Variants in CSMD3 observed in about 807,000 individuals in gnomAD.
CSMD3 encodes CUB and sushi domain-containing protein 3.
In CSMD3, 177 loss-of-function variants were observed where a neutral mutation model predicts 435.2. That is an observed-to-expected ratio of 0.41 (90% CI 0.36 to 0.46). CSMD3 has a LOEUF of 0.46. CSMD3 is among the 20% of genes least tolerant of loss of function. CSMD3 has a pLI of 0.34. For missense variants in CSMD3, 4,265 were observed against 4,504.6 expected (o/e 0.95, Z 1.52); for synonymous variants, 1,656 against 1,520.5 (o/e 1.09, Z -2.07).
At chr8:112,966,383 A>G (rs2084415816) in intron 7 of CSMD3, among the ~76,000 whole-genome samples, 1 of 151,606 alleles carries the variant, frequency 6.6e-6, no homozygotes, top group Non-Finnish European at 1.5e-5. Context: ...ATAAGAAAAC[A>G]ATGCTTAAAG....
rs538132669 is a variant in CSMD3 at position 112,447,855 on chromosome 8, A to T, written c.5395+24736T>A. 7.2e-5 allele frequency among the ~76,000 whole-genome samples: 11 copies of T among 152,294 alleles called. No individual in the cohort carries two copies. The East Asian group carries it at 1.4e-3, about 19-fold the overall frequency. On this transcript the variant is annotated intron_variant, in intron 32 of 70. Coordinates refer to ENST00000297405, the MANE Select transcript of CSMD3 (RefSeq NM_198123.2). ...ACAGAAACACATTGTCATAACACAAATTTCTTAGAAAGATTTAAACAATAA... is the reference window on the plus strand; with the variant it reads ...ACAGAAACACATTGTCATAACACAATTTTCTTAGAAAGATTTAAACAATAA...
chr8:112,664,732 C>T (rs1204997796), intron 17 of CSMD3, among the ~76,000 whole-genome samples: 3 of 151,994 alleles, frequency 2.0e-5, no homozygotes, highest in South Asian at 2.1e-4. Context: ...TAACTGGTGT[C>T]CAGGACATAA....
At chr8:112,475,444 A>C (rs896360995) in intron 31 of CSMD3, among the ~76,000 whole-genome samples, 3 of 152,098 alleles carry the variant, frequency 2.0e-5, no homozygotes, top group Non-Finnish European at 4.4e-5. Flanking sequence ...TTGTAAACAT[A>C]ATTTTATGTT....
chr8:112,587,912 C>T (rs1830867363), intron 22 of CSMD3, among the ~76,000 whole-genome samples: 1 of 151,762 alleles, frequency 6.6e-6, no homozygotes, highest in Non-Finnish European at 1.5e-5. Context: ...ACCTTCAGGA[C>T]TAATTTTGCA....
chr8:112,259,869 C>A (rs1268174731), intron 61 of CSMD3, among the ~76,000 whole-genome samples: 2 of 152,088 alleles, frequency 1.3e-5, no homozygotes, highest in Admixed American at 1.3e-4. Context: ...TCAGCTGAAG[C>A]AATTGTTTCT....
intron 58 of CSMD3, among the ~76,000 whole-genome samples, chr8:112,283,617 T>A (rs1479666843): frequency 4.6e-5 from 7 of 151,620 alleles, no homozygotes. Flanking sequence ...AAAATTACAA[T>A]TAAGGTATCT....
chr8:112,264,099 T>C (rs930190601), intron 60 of CSMD3, among the ~76,000 whole-genome samples: 11 of 152,102 alleles, frequency 7.2e-5, no homozygotes, highest in Non-Finnish European at 1.2e-4. Flanking sequence ...AGGGTGACCT[T>C]CAATCTAGTA....
At chr8:112,677,070 G>A (rs1054350498) in intron 16 of CSMD3, among the ~76,000 whole-genome samples, 2 of 152,012 alleles carry the variant, frequency 1.3e-5, no homozygotes, top group Non-Finnish European at 2.9e-5. Context: ...AATGTCAATC[G>A]AAAACCATCA....
chr8:113,028,225 T>C (rs2086950462), intron 5 of CSMD3, among the ~76,000 whole-genome samples: 1 of 152,052 alleles, frequency 6.6e-6, no homozygotes, highest in Admixed American at 6.5e-5. Context: ...ACTCTTCTAA[T>C]TGCTTTTGGG....
chr8:113,204,567 C>T (rs1329200743), intron 3 of CSMD3, among the ~76,000 whole-genome samples: 2 of 151,964 alleles, frequency 1.3e-5, no homozygotes, highest in Admixed American at 1.3e-4. Flanking sequence ...CAGTAGTGTA[C>T]ACTAATGGAC....
chr8:113,111,637 C>T lies in CSMD3; in HGVS notation c.710-12674G>A, dbSNP rs559361917. Among the ~76,000 whole-genome samples, 10 of 152,170 alleles carry T rather than the reference C, an allele frequency of 6.6e-5. No individual in the cohort carries two copies. The East Asian group carries it at 1.2e-3, about 18-fold the overall frequency. On this transcript the variant is annotated intron_variant, in intron 4 of 70. Transcript: ENST00000297405. The stretch of plus-strand genomic sequence containing the variant: ...CATTGCAGTCAATATACAGAACGGG[C>T]CCATCACTACAAGAATTCCTAGCGT...
intron 59 of CSMD3, among the ~76,000 whole-genome samples, chr8:112,276,774 T>A (rs1479897525): frequency 6.6e-6 from 1 of 152,188 alleles, no homozygotes. Flanking sequence ...TCTAGGTAGA[T>A]GTTCCAAAAC....
intron 36 of CSMD3, among the ~76,000 whole-genome samples, chr8:112,388,664 C>T (rs989117110): frequency 6.6e-6 from 1 of 152,086 alleles, no homozygotes; most frequent in African/African-American, 2.4e-5. Context: ...AGTGGGCAGT[C>T]GGACATATGT....
intron 27 of CSMD3, among the ~76,000 whole-genome samples, chr8:112,525,751 C>CATAT (rs553559009): frequency 0.015 from 1,817 of 119,440 alleles, 21 homozygotes; most frequent in African/African-American, 0.029. Flanking sequence ...CATATATATA[C>CATAT]ATATATATAT....
At chr8:112,541,513 C>G (rs1826659358) in intron 27 of CSMD3, among the ~76,000 whole-genome samples, 1 of 151,468 alleles carries the variant, frequency 6.6e-6, no homozygotes, top group South Asian at 2.1e-4. Flanking sequence ...AAAAAGTGGA[C>G]ACATTTATAG....
intron 13 of CSMD3, among the ~76,000 whole-genome samples, chr8:112,786,435 T>A (rs992373038): frequency 6.6e-6 from 1 of 152,036 alleles, no homozygotes; most frequent in Non-Finnish European, 1.5e-5. Context: ...TTATGTCAAG[T>A]TTAAAAGCTT....
intron 2 of CSMD3, chr8:113,310,076 T>C (rs1266564224): frequency 6.6e-6 from 1 of 152,158 alleles, no homozygotes. Flanking sequence ...CATATCAAAG[T>C]AGCAATGAGG....
At chr8:113,204,413 ATTCT>A (rs2092748602) in intron 3 of CSMD3, among the ~76,000 whole-genome samples, 1 of 152,190 alleles carries the variant, frequency 6.6e-6, no homozygotes, top group African/African-American at 2.4e-5. Context: ...TCATAGAAAC[ATTCT>A]TTATCACAAA....
At chr8:112,992,172 GTTCC>G (rs938452570) in intron 6 of CSMD3, among the ~76,000 whole-genome samples, 2 of 151,462 alleles carry the variant, frequency 1.3e-5, no homozygotes, top group African/African-American at 4.8e-5. Flanking sequence ...ATATGTCTTC[GTTCC>G]TTCCTTCTTT....
Sources: gnomAD v4.1 joint callset for allele counts (sites outside exome capture counted in the v4.1 genomes callset) on GRCh38, gnomAD v4.1.1 for gene constraint, MANE v1.5 for transcripts, NCBI Gene and HGNC (gene_info 2026-07-23, HGNC 2026-07-21) for gene names.